UBE2E3: variants seen among roughly 807,000 people sequenced by gnomAD.
The protein encoded by UBE2E3 is ubiquitin conjugating enzyme E2 E3, also known as ubiquitin-conjugating enzyme E2 E3.
A neutral mutation model predicts 23.6 loss-of-function variants in UBE2E3; 5 were observed. That is an observed-to-expected ratio of 0.21 (90% confidence interval 0.11 to 0.44). The LOEUF (loss-of-function observed/expected upper bound fraction) is 0.44. UBE2E3 is among the 20% of genes least tolerant of loss of function. UBE2E3 has a pLI of 0.99. For missense variants in UBE2E3, 81 were observed against 249.8 expected (o/e 0.32, Z 4.55); for synonymous variants, 78 against 87.5 (o/e 0.89, Z 0.60).
chr2:181,015,330 C>G (rs549310026), intron 3 of UBE2E3, among the ~76,000 whole-genome samples: 2 of 152,170 alleles, frequency 1.3e-5, no homozygotes, highest in African/African-American at 4.8e-5. Context: ...TATATGTGTT[C>G]TTTGTGAACT....
At chr2:181,020,095 G>A (rs1004111217) in intron 3 of UBE2E3, among the ~76,000 whole-genome samples, 1 of 152,148 alleles carries the variant, frequency 6.6e-6, no homozygotes, top group African/African-American at 2.4e-5. Flanking sequence ...GAAGGTTGAT[G>A]TATTAGTTTC....
chr2:180,996,128 A>G (rs1684815025), intron 3 of UBE2E3, among the ~76,000 whole-genome samples: 1 of 152,194 alleles, frequency 6.6e-6, no homozygotes, highest in Non-Finnish European at 1.5e-5. Context: ...ACTTCAGCTT[A>G]AATTGCTTTG....
intron 5 of UBE2E3, 128 bp downstream of exon 5, chr2:181,060,940 C>A: frequency 1.0e-6 from 1 of 969,178 alleles, no homozygotes; most frequent in Non-Finnish European, 1.4e-6. Flanking sequence ...AGAAAGATCC[C>A]CATAAAACAG....
At chr2:181,020,231 T>C (rs1311217939) in intron 3 of UBE2E3, among the ~76,000 whole-genome samples, 2 of 152,150 alleles carry the variant, frequency 1.3e-5, no homozygotes, top group Admixed American at 1.3e-4. Context: ...CTGAAATCTG[T>C]AGGGGGAGCA....
chr2:181,061,552 T>C (rs1241917309), intron 5 of UBE2E3, among the ~76,000 whole-genome samples: 1 of 151,662 alleles, frequency 6.6e-6, no homozygotes, highest in Admixed American at 6.6e-5. Flanking sequence ...CCTTCCTTTT[T>C]TAATTAATTA....
chr2:181,009,482 C>T (rs1328064110), intron 3 of UBE2E3, among the ~76,000 whole-genome samples: 2 of 152,078 alleles, frequency 1.3e-5, no homozygotes, highest in African/African-American at 4.8e-5. Context: ...ACTACTACTC[C>T]TACCATAATG....
At chr2:180,990,266 T>A (rs893469419) in intron 3 of UBE2E3, among the ~76,000 whole-genome samples, 2 of 152,194 alleles carry the variant, frequency 1.3e-5, no homozygotes, top group Non-Finnish European at 2.9e-5. Flanking sequence ...CATTAGTAGG[T>A]AGACGTCAGT....
chr2:181,023,334 G>A (rs1398363887), intron 3 of UBE2E3, among the ~76,000 whole-genome samples: 1 of 152,096 alleles, frequency 6.6e-6, no homozygotes, highest in Admixed American at 6.5e-5. Flanking sequence ...CTTTTATCTT[G>A]AATTTCTTAA....
chr2:181,043,768 C>CAAAT (rs1686587248), intron 3 of UBE2E3, among the ~76,000 whole-genome samples: 4 of 152,054 alleles, frequency 2.6e-5, no homozygotes, highest in African/African-American at 9.7e-5. Flanking sequence ...AATATGATTA[C>CAAAT]TGGTGTGTAT....
intron 3 of UBE2E3, among the ~76,000 whole-genome samples, chr2:181,020,294 T>C (rs1685635340): frequency 6.6e-6 from 1 of 152,188 alleles, no homozygotes; most frequent in African/African-American, 2.4e-5. Context: ...ACCTCCATTG[T>C]CACATGGCTG....
intron 3 of UBE2E3, among the ~76,000 whole-genome samples, chr2:181,003,814 G>T (rs751406595): frequency 5.9e-5 from 9 of 152,132 alleles, no homozygotes; most frequent in Non-Finnish European, 1.3e-4. Context: ...GATTTCAAAT[G>T]CATTACTTGT....
intron 3 of UBE2E3, among the ~76,000 whole-genome samples, chr2:181,031,765 G>C (rs1326359744): frequency 6.6e-6 from 1 of 152,014 alleles, no homozygotes; most frequent in Non-Finnish European, 1.5e-5. Flanking sequence ...TGTATCCTTA[G>C]TGGTTCTGAA....
chr2:181,031,946 G>T (rs1171908261), intron 3 of UBE2E3, among the ~76,000 whole-genome samples: 1 of 151,894 alleles, frequency 6.6e-6, no homozygotes, highest in East Asian at 1.9e-4. Context: ...TCAAAAGTTT[G>T]TCCGGCTCAC....
intron 3 of UBE2E3, among the ~76,000 whole-genome samples, chr2:181,042,014 C>T (rs1044878799): frequency 6.6e-6 from 1 of 152,198 alleles, no homozygotes; most frequent in African/African-American, 2.4e-5. Context: ...GTGGAGCCTT[C>T]TGCATTTGTC....
chr2:181,032,283 A>G (rs538221065), intron 3 of UBE2E3, among the ~76,000 whole-genome samples: 3 of 152,226 alleles, frequency 2.0e-5, no homozygotes, highest in African/African-American at 7.2e-5. Flanking sequence ...TAGCAATTGC[A>G]TAAAATAACG....
At chr2:181,009,399 C>T (rs1318725786) in intron 3 of UBE2E3, among the ~76,000 whole-genome samples, 3 of 152,056 alleles carry the variant, frequency 2.0e-5, no homozygotes, top group African/African-American at 7.2e-5. Flanking sequence ...CATTCACATG[C>T]AGTTCTTACC....
chr2:181,021,582 CCCTTCCTT>C (rs1276580326), intron 3 of UBE2E3, among the ~76,000 whole-genome samples: 87 of 58,164 alleles, frequency 1.5e-3, no homozygotes, highest in South Asian at 1.8e-3. Context: ...CTCCCTCCCT[CCCTTCCTT>C]CCTCCCTCCC....
At chr2:181,051,336 GT>G (rs1451754699) in intron 3 of UBE2E3, among the ~76,000 whole-genome samples, 2 of 151,638 alleles carry the variant, frequency 1.3e-5, no homozygotes, top group African/African-American at 4.8e-5. Flanking sequence ...GTTTTATGCA[GT>G]TTTTTCAGTA....
chr2:181,051,364 G>A (rs760143227), intron 3 of UBE2E3, among the ~76,000 whole-genome samples: 3 of 151,732 alleles, frequency 2.0e-5, no homozygotes, highest in Non-Finnish European at 2.9e-5. Flanking sequence ...ACAATGCTAG[G>A]TTGGATATCT....
Sources: gnomAD v4.1 joint callset for allele counts (sites outside exome capture counted in the v4.1 genomes callset) on GRCh38, gnomAD v4.1.1 for gene constraint, MANE v1.5 for transcripts, NCBI Gene and HGNC (gene_info 2026-07-23, HGNC 2026-07-21) for gene names.